The following ZNF683 variants were observed in gnomAD, a reference collection of about 807,000 sequenced individuals.
ZNF683 encodes the protein tissue-resident T-cell transcription regulator protein ZNF683.
ZNF683 carries 20 observed loss-of-function variants against 31.4 expected under a neutral mutation model. The observed-to-expected ratio is 0.64, with a 90% confidence interval of 0.45 to 0.93. The LOEUF is 0.93. Among genes scored for constraint, ZNF683 ranks in the 40% least tolerant of loss-of-function variants. ZNF683 has a pLI of 0.00. For missense variants in ZNF683, 621 were observed against 637.2 expected (o/e 0.97, Z 0.27); for synonymous variants, 264 against 267.6 (o/e 0.99, Z 0.13).
intron 1 of ZNF683, among the ~76,000 whole-genome samples, chr1:26,369,019 T>C (rs2074600051): frequency 6.6e-6 from 1 of 150,902 alleles, no homozygotes; most frequent in African/African-American, 2.4e-5. Flanking sequence ...CCAAGGCGGT[T>C]GGATGACCTG....
At chr1:26,362,803 T>C (rs2074417379) in intron 5 of ZNF683, among the ~76,000 whole-genome samples, 2 of 152,184 alleles carry the variant, frequency 1.3e-5, no homozygotes, top group Admixed American at 1.3e-4. Flanking sequence ...ACACTCTCCA[T>C]GACCTCCAAC....
At chr1:26,372,002 G>A (rs2074681582) in intron 1 of ZNF683, among the ~76,000 whole-genome samples, 1 of 152,134 alleles carries the variant, frequency 6.6e-6, no homozygotes, top group Admixed American at 6.5e-5. Context: ...CCAGAAAGTG[G>A]CTTTTTAGCC....
chr1:26,363,516 C>A (rs905167276), intron 4 of ZNF683, among the ~76,000 whole-genome samples: 4 of 152,016 alleles, frequency 2.6e-5, no homozygotes, highest in African/African-American at 9.7e-5. Flanking sequence ...GGCTGTAATC[C>A]CAGCATTTTG....
upstream of ZNF683, chr1:26,372,843 A>T: frequency 8.5e-7 from 1 of 1,174,298 alleles, no homozygotes; most frequent in African/African-American, 1.6e-5. Context: ...GGCTGACAAG[A>T]CAGATGATCT....
intron 5 of ZNF683, 134 bp from the exon 6 acceptor site, chr1:26,362,156 C>A (rs779936010): frequency 1.9e-6 from 3 of 1,606,750 alleles, no homozygotes; most frequent in African/African-American, 2.7e-5. Flanking sequence ...CCAGTGATTT[C>A]TTCCTGGAAC....
Position 26,361,907 on chromosome 1 carries a change from T to G in ZNF683, c.1259A>C (p.His420Pro), listed in dbSNP as rs1393458482. 1.2e-6 allele frequency: 2 copies of G among 1,613,636 alleles called. No individual in the cohort carries two copies. Among genetic ancestry groups the G allele is most frequent in the African/African-American group, 2.7e-5 (2 of 74,850 alleles). Residue 420 changes from histidine (H) to proline (P), a missense_variant, in exon 6 of 6, where the codon CAC becomes CCC. Transcript: ENST00000349618. ...ATGCAGCCGATGGTGCAGCTTCAGG[T>G]GGATGTGCTGGGTGAAGCGACTCCG... The part of the protein sequence containing the change: ...VCRSRFTQHI[H>P]LKLHHRLHAP...
rs1454591214 is a variant in ZNF683 at position 26,364,549 on chromosome 1, G to A, written c.997C>T (p.Gln333Ter). 1.2e-6 allele frequency: 2 copies of A among 1,613,906 alleles called. No individual in the cohort carries two copies. Among genetic ancestry groups the A allele is most frequent in the Non-Finnish European group, 8.5e-7 (1 of 1,179,898 alleles). ...ECNICGKSFG[Q>*]LSNLKVHLRV... Reference sequence around the variant, plus strand: ...GCAGATACCTTGAGATTGGAGAGCTGCCCAAAGCTCTTGCCACATATGTTG... The same window carrying A: ...GCAGATACCTTGAGATTGGAGAGCTACCCAAAGCTCTTGCCACATATGTTG... Residue 333 changes from glutamine to a stop codon, truncating the protein, a stop_gained, in exon 4 of 6, where the codon CAG becomes TAG. Coordinates refer to ENST00000349618, the MANE Select transcript of ZNF683 (RefSeq NM_001114759.3). LOFTEE classifies it high-confidence loss of function.
At position 26,367,769 on chromosome 1, in the gene ZNF683, T is replaced by G. The variant is rs10794532; in HGVS notation, c.143A>C (p.Asp48Ala). ...GGATGGGCCATGAGCATCCACCATG[T>G]CTGGAAGTGGTCTGCAGGCTGAGAA... ...QVFSACRPLPDMVDAHGPSCA... is the reference protein window; with the variant it reads ...QVFSACRPLPAMVDAHGPSCA... The change falls in exon 3 of 6, where the codon GAC becomes GCC. Residue 48 changes from aspartate (D) to alanine (A), a missense_variant. Physicochemically the swap from Asp to Ala is moderately radical, Grantham distance 126. Transcript: ENST00000349618. The G allele has an allele frequency of 4.4e-6, 7 of 1,602,934 alleles. No homozygotes were observed. The South Asian group carries it at 7.8e-5, about 18-fold the overall frequency.
chr1:26,363,132 C>T lies in ZNF683; in HGVS notation c.1037G>A (p.Gly346Glu). 1.2e-6 allele frequency: 2 copies of T among 1,612,212 alleles called. No individual in the cohort carries two copies. Among genetic ancestry groups the T allele is most frequent in the East Asian group, 2.2e-5 (1 of 44,840 alleles). ...CAAGGCACACTGGAATGGACGCTCT[C>T]CACTGTGCACACGCAGGTGGACCTG... is the stretch of plus-strand genomic sequence containing the variant. ...NLKVHLRVHS[G>E]ERPFQCALCQ... The change falls in exon 5 of 6, where the codon GGA (glycine) becomes GAA (glutamate). Residue 346 changes from glycine (G) to glutamate (E), a missense_variant. Physicochemically the swap from Gly to Glu is moderately conservative, Grantham distance 98. Coordinates refer to ENST00000349618, the MANE Select transcript of ZNF683 (RefSeq NM_001114759.3).
chr1:26,370,876 C>T, intron 1 of ZNF683: 1 of 214,700 alleles, frequency 4.7e-6, no homozygotes, highest in Non-Finnish European at 8.0e-6. Context: ...GCTTTGCCTA[C>T]CTGTGGCAAC....
At chr1:26,370,731 C>T (rs2074650760) in intron 1 of ZNF683, 1 of 985,520 alleles carries the variant, frequency 1.0e-6, no homozygotes, top group South Asian at 4.7e-5. Flanking sequence ...CAGGCCACAG[C>T]TGCCTGTGGC....
At chr1:26,373,173 G>C (rs1384198838), upstream of ZNF683, 1 of 153,558 alleles carries the variant, frequency 6.5e-6, no homozygotes, top group African/African-American at 2.4e-5. Flanking sequence ...CAGATCACTT[G>C]AGGTCAGGAG....
At chr1:26,366,143 G>GC (rs1388007572) in intron 3 of ZNF683, among the ~76,000 whole-genome samples, 2 of 151,704 alleles carry the variant, frequency 1.3e-5, no homozygotes, top group Non-Finnish European at 2.9e-5. Context: ...TCATGCCATT[G>GC]CACTCCAGCC....
chr1:26,361,957 G>A lies in ZNF683; in HGVS notation c.1209C>T (p.Ala403=), dbSNP rs746187703. Reference sequence around the variant, plus strand: ...GGCAGACACTGCACTGGAAGGGCCGGGCCCCGGAGTGCAGGCGCAGGTGGG... The same window carrying A: ...GGCAGACACTGCACTGGAAGGGCCGAGCCCCGGAGTGCAGGCGCAGGTGGG... ...LKTHLRLHSG[A]RPFQCSVCRS... is the part of the protein sequence containing the mutation. Residue 403 remains alanine (A), a synonymous_variant, in exon 6 of 6, where the codon GCC becomes GCT. Coordinates refer to ENST00000349618, the MANE Select transcript of ZNF683 (RefSeq NM_001114759.3). 38 of 1,613,890 alleles carry A rather than the reference G, an allele frequency of 2.4e-5. No homozygotes were observed. Among genetic ancestry groups the A allele is most frequent in the Non-Finnish European group, 3.1e-5 (36 of 1,179,896 alleles).
chr1:26,368,815 G>A (rs1470612719), intron 1 of ZNF683, among the ~76,000 whole-genome samples: 1 of 152,222 alleles, frequency 6.6e-6, no homozygotes, highest in Non-Finnish European at 1.5e-5. Flanking sequence ...GGTGTGGGAA[G>A]ATTAAATAGA....
chr1:26,364,646 C>T lies in ZNF683; in HGVS notation c.900G>A (p.Leu300=), dbSNP rs763862162. 1.2e-6 allele frequency: 2 copies of T among 1,613,990 alleles called. No individual in the cohort carries two copies. The highest frequency in any genetic ancestry group is 2.7e-5 in the African/African-American group (2 of 75,024). ...AGGCTGCGGTGCCTGTCTGGGAACT[C>T]AATGGGACCCGCTTTGCTGGAGATG... The part of the protein sequence containing the change: ...GMASPAKRVP[L]SSQTGTAALP... The change falls in exon 4 of 6, where the codon TTG becomes TTA. Residue 300 remains leucine (L), a synonymous_variant. Coordinates refer to ENST00000349618, the MANE Select transcript of ZNF683 (RefSeq NM_001114759.3).
chr1:26,374,356 T>A, upstream of ZNF683: 3 of 1,294,248 alleles, frequency 2.3e-6, no homozygotes, highest in Non-Finnish European at 3.1e-6. Context: ...TTGCACAACC[T>A]CTCTGTTAGA....
chr1:26,365,297 C>T (rs1449332712), intron 3 of ZNF683, 71 bp from the exon 4 acceptor site: 2 of 1,457,348 alleles, frequency 1.4e-6, no homozygotes, highest in Non-Finnish European at 1.8e-6. Flanking sequence ...TCAAACCTGC[C>T]CTGCTCGGGG....
intron 3 of ZNF683, among the ~76,000 whole-genome samples, 197 bp from the exon 4 acceptor site, chr1:26,365,423 G>A (rs1434058078): frequency 1.3e-5 from 2 of 152,202 alleles, no homozygotes; most frequent in Non-Finnish European, 2.9e-5. Context: ...AGCCAAGTGG[G>A]CAGATGGATA....
Sources: gnomAD v4.1 joint callset for allele counts (sites outside exome capture counted in the v4.1 genomes callset) on GRCh38, gnomAD v4.1.1 for gene constraint, MANE v1.5 for transcripts, NCBI Gene and HGNC (gene_info 2026-07-23, HGNC 2026-07-21) for gene names.